LRMDA: variants seen among roughly 807,000 people sequenced by gnomAD.
LRMDA encodes the protein leucine rich melanocyte differentiation associated.
In LRMDA, 18 loss-of-function variants were observed where a neutral mutation model predicts 29.8. The ratio of observed to expected loss-of-function variants is 0.60; its 90% confidence interval spans 0.42 to 0.90. LRMDA has a LOEUF of 0.90. Among genes scored for constraint, LRMDA ranks in the 40% least tolerant of loss-of-function variants. LRMDA has a pLI of 0.00. For synonymous variants in LRMDA, 125 were observed against 109.4 expected (o/e 1.14, Z -0.89); for missense variants, 273 against 273.9 (o/e 1.00, Z 0.02).
intron 2 of LRMDA, among the ~76,000 whole-genome samples, chr10:75,455,825 C>G (rs4255484): frequency 0.46 from 69,280 of 152,120 alleles, 17,249 homozygotes; most frequent in Non-Finnish European, 0.55. Flanking sequence ...GAGCCACCTC[C>G]TGGAGGGAGG....
At chr10:76,328,261 C>T (rs1189421333) in intron 6 of LRMDA, among the ~76,000 whole-genome samples, 1 of 152,184 alleles carries the variant, frequency 6.6e-6, no homozygotes, top group African/African-American at 2.4e-5. Context: ...ATTACGAGTA[C>T]AGGACATGCC....
chr10:75,727,964 A>C (rs900318754), intron 2 of LRMDA, among the ~76,000 whole-genome samples: 1 of 152,166 alleles, frequency 6.6e-6, no homozygotes, highest in South Asian at 2.1e-4. Context: ...CCCTTAATAA[A>C]GGGAAAAAGG....
chr10:76,363,276 A>AAGGAAGGAAGGAAGGAAAGG (rs1218743181), intron 6 of LRMDA, among the ~76,000 whole-genome samples: 4 of 58,802 alleles, frequency 6.8e-5, no homozygotes, highest in African/African-American at 3.4e-4. Context: ...GGAAGGAAGG[A>AAGGAAGGAAGGAAGGAAAGG]AAGGAAGGAA....
chr10:76,375,744 G>T, intron 6 of LRMDA, among the ~76,000 whole-genome samples: 1 of 150,702 alleles, frequency 6.6e-6, no homozygotes, highest in African/African-American at 2.4e-5. Flanking sequence ...TTTTTTCGGG[G>T]GGAGAGGATA....
intron 2 of LRMDA, among the ~76,000 whole-genome samples, chr10:75,876,800 T>C (rs188406121): frequency 2.0e-4 from 31 of 152,300 alleles, no homozygotes; most frequent in Admixed American, 1.3e-3. Context: ...ATTAAGTGCT[T>C]CCTTAGTGTT....
At chr10:76,366,144 C>A (rs1056331780) in intron 6 of LRMDA, among the ~76,000 whole-genome samples, 1 of 152,086 alleles carries the variant, frequency 6.6e-6, no homozygotes, top group African/African-American at 2.4e-5. Context: ...ATGACTATGG[C>A]CTTATACTAT....
chr10:75,902,834 G>T (rs1218668251), intron 2 of LRMDA, among the ~76,000 whole-genome samples: 6 of 152,144 alleles, frequency 3.9e-5, no homozygotes, highest in African/African-American at 1.4e-4. Context: ...TAGAAGAGGG[G>T]ACTGACTCTG....
intron 2 of LRMDA, among the ~76,000 whole-genome samples, chr10:75,990,143 C>A (rs1331750587): frequency 1.3e-5 from 2 of 152,166 alleles, no homozygotes; most frequent in Non-Finnish European, 2.9e-5. Context: ...GGGCTAGAGC[C>A]TTTGATTTAT....
chr10:75,558,129 T>C (rs1840238601), intron 2 of LRMDA, among the ~76,000 whole-genome samples: 1 of 151,486 alleles, frequency 6.6e-6, no homozygotes, highest in South Asian at 2.1e-4. Context: ...GAAAAAAAAG[T>C]AAATTAGGTG....
intron 2 of LRMDA, among the ~76,000 whole-genome samples, chr10:75,722,871 A>G (rs940339090): frequency 1.3e-4 from 20 of 152,186 alleles, no homozygotes; most frequent in Admixed American, 9.8e-4. Context: ...AGGAGTTTCT[A>G]CTCATATTTC....
chr10:76,411,502 T>C (rs1841961106), intron 6 of LRMDA, among the ~76,000 whole-genome samples: 1 of 152,240 alleles, frequency 6.6e-6, no homozygotes. Context: ...TCAACGACAT[T>C]ATTTCCCTAA....
At chr10:75,624,626 A>G (rs1480185524) in intron 2 of LRMDA, among the ~76,000 whole-genome samples, 1 of 152,178 alleles carries the variant, frequency 6.6e-6, no homozygotes, top group Non-Finnish European at 1.5e-5. Context: ...TAATATAAAG[A>G]GGGCAAAAGC....
intron 6 of LRMDA, among the ~76,000 whole-genome samples, chr10:76,401,168 AATGG>A (rs1485714282): frequency 2.6e-5 from 4 of 152,046 alleles, no homozygotes. Context: ...ATAATGACTT[AATGG>A]ATGGTATGCT....
intron 5 of LRMDA, among the ~76,000 whole-genome samples, chr10:76,182,619 A>G (rs551305034): frequency 3.3e-5 from 5 of 152,196 alleles, no homozygotes; most frequent in African/African-American, 1.2e-4. Context: ...TATCTCTCAG[A>G]TTTTATAGTG....
At chr10:76,468,780 T>G (rs938593679) in intron 6 of LRMDA, among the ~76,000 whole-genome samples, 3 of 152,172 alleles carry the variant, frequency 2.0e-5, no homozygotes, top group African/African-American at 7.2e-5. Context: ...AACTCTGAAA[T>G]GCATCCTGAA....
chr10:76,331,128 G>A (rs1840899672), intron 6 of LRMDA, among the ~76,000 whole-genome samples: 1 of 152,120 alleles, frequency 6.6e-6, no homozygotes, highest in Non-Finnish European at 1.5e-5. Context: ...AAAATTAGTT[G>A]GGTGCAGTGG....
chr10:76,041,862 C>T (rs1035720058), intron 3 of LRMDA, among the ~76,000 whole-genome samples: 4 of 152,102 alleles, frequency 2.6e-5, no homozygotes, highest in African/African-American at 7.2e-5. Flanking sequence ...AGGTGTGTGC[C>T]GGGAACCCAG....
At chr10:75,674,214 T>C (rs1422895015) in intron 2 of LRMDA, among the ~76,000 whole-genome samples, 1 of 152,230 alleles carries the variant, frequency 6.6e-6, no homozygotes, top group Non-Finnish European at 1.5e-5. Flanking sequence ...TTTCATTTGA[T>C]TAAGCCATTA....
At chr10:75,692,230 A>G (rs1220745961) in intron 2 of LRMDA, among the ~76,000 whole-genome samples, 1 of 135,942 alleles carries the variant, frequency 7.4e-6, no homozygotes, top group Non-Finnish European at 1.5e-5. Flanking sequence ...ATATATATAT[A>G]TATATATATA....
Sources: gnomAD v4.1 joint callset for allele counts (sites outside exome capture counted in the v4.1 genomes callset) on GRCh38, gnomAD v4.1.1 for gene constraint, MANE v1.5 for transcripts, NCBI Gene and HGNC (gene_info 2026-07-23, HGNC 2026-07-21) for gene names.